The following SLC9A7 variants were observed in gnomAD, a reference collection of about 807,000 sequenced individuals.
The protein encoded by SLC9A7 is sodium/hydrogen exchanger 7.
SLC9A7 carries 19 observed loss-of-function variants against 52.6 expected under a neutral mutation model. That is an observed-to-expected ratio of 0.36 (90% CI 0.25 to 0.53). The LOEUF (loss-of-function observed/expected upper bound fraction) is 0.53. Among genes scored for constraint, SLC9A7 ranks in the 20% least tolerant of loss-of-function variants. The pLI, the probability that SLC9A7 is intolerant of heterozygous loss-of-function variation, is 0.91. For missense variants in SLC9A7, 455 were observed against 597.9 expected, an observed-to-expected ratio of 0.76 and a Z score of 2.49; for synonymous variants, 226 against 252.1, an observed-to-expected ratio of 0.90 and a Z score of 0.98.
chrX:46,657,791 T>C (rs1171295535), intron 7 of SLC9A7, among the ~76,000 whole-genome samples: 2 of 110,453 alleles, frequency 1.8e-5, no homozygotes, highest in Non-Finnish European at 3.8e-5. Flanking sequence ...TAACACCCCA[T>C]TGTCAACATT....
intron 1 of SLC9A7, among the ~76,000 whole-genome samples, chrX:46,730,948 ATT>A (rs1009106088): frequency 5.6e-5 from 6 of 107,391 alleles, no homozygotes; most frequent in African/African-American, 2.0e-4. Context: ...ACCAATAGGC[ATT>A]TGGACAGAAA....
intron 1 of SLC9A7, among the ~76,000 whole-genome samples, chrX:46,717,679 C>T (rs764778788): frequency 2.7e-5 from 3 of 111,507 alleles, no homozygotes; most frequent in African/African-American, 9.8e-5. Context: ...CATGCCTGGC[C>T]CCAATCTTTA....
rs745980147 is a variant in SLC9A7, at chrX:46,635,542, G to A, written c.1676+47C>T. 4 of 1,028,306 alleles carry A rather than the reference G, an allele frequency of 3.9e-6. No homozygotes were observed. In the African/African-American group the frequency reaches 7.5e-5, roughly 19 times the overall value. The allele number at this position is 1,028,306 out of a possible 1,213,427, so 84.7% of individuals were successfully genotyped here. ...GAAATATCTGAGGTTAGAAAGAGGA[G>A]AAAAGCCAGGCCCAGTTAATTTTTT... is the stretch of plus-strand genomic sequence containing the variant. On this transcript the variant is annotated intron_variant, in intron 13 of 16. Transcript: ENST00000616978.
At chrX:46,672,465 T>C in intron 4 of SLC9A7, 86 bp downstream of exon 4, 5 of 699,592 alleles carry the variant, frequency 7.1e-6, no homozygotes, top group Non-Finnish European at 1.1e-5. Context: ...ATCAAAAATA[T>C]CAAAATACTG....
Position 46,606,658 on chromosome X carries a change from G to C in SLC9A7, c.*294C>G. 4 of 986,047 alleles carry C rather than the reference G, an allele frequency of 4.1e-6. No individual in the cohort carries two copies. The highest frequency in any genetic ancestry group is 5.1e-6 in the Non-Finnish European group (4 of 781,613). 81.3% of individuals were successfully genotyped at this position (986,047 alleles called of 1,213,427 possible). A position where few individuals can be genotyped will look rare whatever the true frequency, so the allele number is the denominator to read the frequency against. On this transcript the variant is annotated 3_prime_UTR_variant, in exon 17 of 17. Transcript: ENST00000616978. ...CCTTGTTCAGATACTGCAGGTGAAT[G>C]AATTAGGAGACCATTAAAGCATGCT...
chrX:46,643,105 C>G (rs1943431600), intron 12 of SLC9A7, 131 bp downstream of exon 12: 1 of 544,547 alleles, frequency 1.8e-6, no homozygotes, highest in Non-Finnish European at 2.8e-6. Context: ...TTGTTAATCC[C>G]CCCTCACAAA....
intron 1 of SLC9A7, among the ~76,000 whole-genome samples, chrX:46,698,978 G>A (rs144059360): frequency 0.012 from 1,298 of 111,225 alleles, 20 homozygotes; most frequent in African/African-American, 0.041. Context: ...TGAGTCAATC[G>A]CTCTTCAAGA....
intron 1 of SLC9A7, among the ~76,000 whole-genome samples, chrX:46,754,198 T>G (rs943243971): frequency 9.0e-6 from 1 of 111,237 alleles, no homozygotes; most frequent in Non-Finnish European, 1.9e-5. Flanking sequence ...AAGCCTAAAA[T>G]GAGAATGGGA....
chrX:46,758,074 G>A (rs1440742091), intron 1 of SLC9A7, among the ~76,000 whole-genome samples: 3 of 111,831 alleles, frequency 2.7e-5, no homozygotes, highest in Non-Finnish European at 5.6e-5. Flanking sequence ...AGAGCAGGAG[G>A]CGTGCCTGTC....
chrX:46,711,830 C>T (rs188977892), intron 1 of SLC9A7, among the ~76,000 whole-genome samples: 1 of 105,673 alleles, frequency 9.5e-6, no homozygotes, highest in African/African-American at 3.5e-5. Flanking sequence ...ATCAGGCCCA[C>T]GTGTCAGGCA....
intron 4 of SLC9A7, among the ~76,000 whole-genome samples, chrX:46,671,084 T>C (rs1434059622): frequency 2.7e-5 from 3 of 111,974 alleles, no homozygotes; most frequent in Non-Finnish European, 5.6e-5. Flanking sequence ...CCTGCTATTA[T>C]CTCCAGGTTT....
At chrX:46,608,447 C>T (rs1051269135) in intron 16 of SLC9A7, among the ~76,000 whole-genome samples, 3 of 112,256 alleles carry the variant, frequency 2.7e-5, no homozygotes, top group Non-Finnish European at 3.8e-5. Context: ...CAGGCAAGCA[C>T]GCAACTCCTC....
chrX:46,665,834 G>T (rs1602202667), intron 5 of SLC9A7, among the ~76,000 whole-genome samples: 1 of 109,262 alleles, frequency 9.2e-6, no homozygotes, highest in Admixed American at 9.8e-5. Context: ...GCCTAGGAAG[G>T]CACCATGGGG....
intron 3 of SLC9A7, among the ~76,000 whole-genome samples, chrX:46,679,122 A>G (rs1278757398): frequency 8.9e-6 from 1 of 112,117 alleles, no homozygotes; most frequent in Non-Finnish European, 1.9e-5. Flanking sequence ...AAATGAAATC[A>G]CAGAGTATAC....
intron 5 of SLC9A7, among the ~76,000 whole-genome samples, chrX:46,663,346 A>G (rs989265444): frequency 4.0e-5 from 4 of 100,517 alleles, no homozygotes; most frequent in Non-Finnish European, 8.2e-5. Flanking sequence ...AAACAGAAAG[A>G]AAAAAAAAAG....
At chrX:46,619,175 T>C (rs752112020) in intron 15 of SLC9A7, among the ~76,000 whole-genome samples, 1 of 111,747 alleles carries the variant, frequency 8.9e-6, no homozygotes, top group South Asian at 3.7e-4. Context: ...CTATCAGTCA[T>C]CTGAGAAATG....
At chrX:46,736,334 G>T (rs1481105672) in intron 1 of SLC9A7, among the ~76,000 whole-genome samples, 3 of 110,561 alleles carry the variant, frequency 2.7e-5, no homozygotes, top group African/African-American at 9.9e-5. Context: ...ATCTGATCTT[G>T]CATGTTATCT....
rs140803619 is a variant in SLC9A7 at position 46,642,554 on chromosome X, A to G, written c.1616+682T>C. Among the ~76,000 whole-genome samples, 207 of 112,261 alleles carry G rather than the reference A, an allele frequency of 1.8e-3. 7 individuals are homozygous for G. In the East Asian group the frequency reaches 0.047, roughly 25 times the overall value. ...GGGGCTTGTCTTTAACCCAAGCCAGAGTTGGGCTGTGGGTCTCTTGAACCT... is the reference window on the plus strand; with the variant it reads ...GGGGCTTGTCTTTAACCCAAGCCAGGGTTGGGCTGTGGGTCTCTTGAACCT... On this transcript the variant is annotated intron_variant, in intron 12 of 16. Coordinates refer to ENST00000616978, the MANE Select transcript of SLC9A7 (RefSeq NM_001257291.2).
In SLC9A7 at chrX:46,675,061, A is replaced by ATGTGTGTGTGTG. The variant is rs397895552; in HGVS notation, c.604-2446_604-2435dup. ...AGAGAGAGAAAGAGAGAGAGAGTGA[A>ATGTGTGTGTGTG]TGTGTGTGTGTGTGTGTGTGTGTGT... is the stretch of plus-strand genomic sequence containing the variant. On this transcript the variant is annotated intron_variant, in intron 3 of 16. Transcript: ENST00000616978. Among the ~76,000 whole-genome samples, 61 of 68,860 alleles carry ATGTGTGTGTGTG rather than the reference A, an allele frequency of 8.9e-4. 2 individuals carry two copies. The highest frequency in any genetic ancestry group is 1.9e-3 in the South Asian group (2 of 1,036). The allele number at this position is 68,860 out of a possible 115,157, so 59.8% of individuals were successfully genotyped here. A position where few individuals can be genotyped will look rare whatever the true frequency, so the allele number is the denominator to read the frequency against.
Sources: gnomAD v4.1 joint callset for allele counts (sites outside exome capture counted in the v4.1 genomes callset) on GRCh38, gnomAD v4.1.1 for gene constraint, MANE v1.5 for transcripts, NCBI Gene and HGNC (gene_info 2026-07-23, HGNC 2026-07-21) for gene names.